BBS9: variants seen among roughly 807,000 people sequenced by gnomAD.
BBS9 encodes Bardet-Biedl syndrome 9.
A neutral mutation model predicts 117.7 loss-of-function variants in BBS9; 89 were observed. The ratio of observed to expected loss-of-function variants is 0.76; its 90% CI spans 0.64 to 0.90. The LOEUF (loss-of-function observed/expected upper bound fraction) is 0.90. BBS9 is among the 40% of genes least tolerant of loss of function. BBS9 has a pLI of 0.00. For missense variants in BBS9, 982 were observed against 1,042.2 expected (o/e 0.94, Z 0.80); for synonymous variants, 379 against 370.9 (o/e 1.02, Z -0.25).
At chr7:33,310,536 G>A (rs1011825853) in intron 9 of BBS9, among the ~76,000 whole-genome samples, 2 of 152,188 alleles carry the variant, frequency 1.3e-5, no homozygotes, top group South Asian at 2.1e-4. Flanking sequence ...GAGTAAAAGG[G>A]GATTCTGTTA....
chr7:33,441,646 A>ATTTAAT (rs1278998720), intron 19 of BBS9, among the ~76,000 whole-genome samples: 8 of 152,196 alleles, frequency 5.3e-5, no homozygotes, highest in Non-Finnish European at 1.2e-4. Context: ...TATCTCTATT[A>ATTTAAT]AATCAGGAAG....
intron 21 of BBS9, among the ~76,000 whole-genome samples, chr7:33,554,572 G>A (rs544393789): frequency 1.3e-5 from 2 of 152,262 alleles, no homozygotes; most frequent in East Asian, 3.9e-4. Flanking sequence ...GTAAAATGGG[G>A]AAGTCTGAGG....
Position 33,132,841 on chromosome 7 carries a change from G to A in BBS9, c.-12+2800G>A, listed in dbSNP as rs1048558784. ...TTTATGGCTAATTTTTCATTTTCTT[G>A]ATGACTTGGGATGTCTTCCAGGAGA... On this transcript the variant is annotated intron_variant, in intron 1 of 22. Coordinates refer to ENST00000242067, the MANE Select transcript of BBS9 (RefSeq NM_198428.3). Among the ~76,000 whole-genome samples, 16 of 152,180 alleles carry A rather than the reference G, an allele frequency of 1.1e-4. No homozygotes were observed. The South Asian group carries it at 1.2e-3, about 12-fold the overall frequency.
intron 19 of BBS9, among the ~76,000 whole-genome samples, chr7:33,436,497 A>T (rs556315833): frequency 6.6e-6 from 1 of 152,240 alleles, no homozygotes; most frequent in African/African-American, 2.4e-5. Flanking sequence ...TTGTAATTAC[A>T]TTATTTATAA....
intron 5 of BBS9, among the ~76,000 whole-genome samples, chr7:33,207,813 A>C (rs1294472675): frequency 6.9e-6 from 1 of 145,140 alleles, no homozygotes; most frequent in East Asian, 2.0e-4. Flanking sequence ...TATAGATATA[A>C]CTTTTTTTTT....
At chr7:33,290,905 G>A (rs963503355) in intron 9 of BBS9, among the ~76,000 whole-genome samples, 7 of 152,228 alleles carry the variant, frequency 4.6e-5, no homozygotes, top group Non-Finnish European at 8.8e-5. Flanking sequence ...TGCCAGAAAT[G>A]GAAATGTGTA....
At chr7:33,170,478 A>C (rs2128144275) in intron 4 of BBS9, among the ~76,000 whole-genome samples, 1 of 144,820 alleles carries the variant, frequency 6.9e-6, no homozygotes, top group Non-Finnish European at 1.5e-5. Flanking sequence ...TATCTATGAC[A>C]AACCCACAGC....
chr7:33,631,146 T>C (rs1212893902), intron 21 of BBS9, among the ~76,000 whole-genome samples: 2 of 151,792 alleles, frequency 1.3e-5, no homozygotes, highest in Non-Finnish European at 1.5e-5. Flanking sequence ...CTCATCAGAG[T>C]GTGCAGAGTG....
At chr7:33,297,627 A>T (rs572889645) in intron 9 of BBS9, among the ~76,000 whole-genome samples, 11 of 152,210 alleles carry the variant, frequency 7.2e-5, no homozygotes, top group Admixed American at 5.9e-4. Flanking sequence ...TTTTTTGTGG[A>T]GTGGGCAACA....
chr7:33,506,152 A>G (rs1392417970), intron 20 of BBS9, among the ~76,000 whole-genome samples: 1 of 152,222 alleles, frequency 6.6e-6, no homozygotes, highest in Non-Finnish European at 1.5e-5. Flanking sequence ...GTCCTAGCAT[A>G]GGCAGTTTAG....
chr7:33,199,629 C>T (rs1052230247), intron 5 of BBS9, among the ~76,000 whole-genome samples: 2 of 151,200 alleles, frequency 1.3e-5, no homozygotes, highest in Non-Finnish European at 3.0e-5. Context: ...TCCTTTCCTC[C>T]TCCTCTCACT....
At chr7:33,419,691 T>C (rs1420642425) in intron 19 of BBS9, among the ~76,000 whole-genome samples, 3 of 152,176 alleles carry the variant, frequency 2.0e-5, no homozygotes, top group Non-Finnish European at 2.9e-5. Flanking sequence ...AAGCTAAATA[T>C]CTTAAGAGCA....
intron 5 of BBS9, among the ~76,000 whole-genome samples, chr7:33,241,362 G>A (rs1794501652): frequency 6.6e-6 from 1 of 152,070 alleles, no homozygotes; most frequent in Non-Finnish European, 1.5e-5. Context: ...GACATTCTCT[G>A]TGCTTCTGCA....
chr7:33,584,429 GCTTTA>G (rs1336510455), intron 21 of BBS9, among the ~76,000 whole-genome samples: 1 of 151,882 alleles, frequency 6.6e-6, no homozygotes, highest in African/African-American at 2.4e-5. Context: ...TATTTTGTCT[GCTTTA>G]CTTATAAATT....
chr7:33,225,258 C>G (rs919237115), intron 5 of BBS9, among the ~76,000 whole-genome samples: 1 of 152,166 alleles, frequency 6.6e-6, no homozygotes, highest in African/African-American at 2.4e-5. Flanking sequence ...AATACCGTGG[C>G]ATAATCACAG....
intron 5 of BBS9, among the ~76,000 whole-genome samples, chr7:33,228,738 A>T (rs947074486): frequency 3.3e-5 from 5 of 152,178 alleles, no homozygotes; most frequent in African/African-American, 1.2e-4. Flanking sequence ...TTTACAGTTC[A>T]TTGAGTCTAA....
intron 19 of BBS9, among the ~76,000 whole-genome samples, chr7:33,467,785 A>G (rs1029352246): frequency 6.6e-6 from 1 of 152,086 alleles, no homozygotes; most frequent in African/African-American, 2.4e-5. Flanking sequence ...AGAAATTCTA[A>G]CAGATTCTGA....
chr7:33,611,578 G>A lies in BBS9; in HGVS notation c.2522-23599G>A, dbSNP rs1212551553. The stretch of plus-strand genomic sequence containing the variant: ...TTATATATTATATGTAATATATAAG[G>A]TATATATTATATAATAATATTATTT... On this transcript the variant is annotated intron_variant, in intron 21 of 21. Transcript: ENST00000671952. Among the ~76,000 whole-genome samples, 3 of 120,626 alleles carry A rather than the reference G, an allele frequency of 2.5e-5. No homozygotes were observed. The Admixed American group carries it at 2.7e-4, about 11-fold the overall frequency. The allele number at this position is 120,626 out of a possible 152,430, so 79.1% of individuals were successfully genotyped here.
At chr7:33,290,622 T>C (rs1803850276) in intron 9 of BBS9, among the ~76,000 whole-genome samples, 1 of 152,176 alleles carries the variant, frequency 6.6e-6, no homozygotes. Flanking sequence ...TGCAGAACGA[T>C]TTGGTCTTTA....
Sources: gnomAD v4.1 joint callset for allele counts (sites outside exome capture counted in the v4.1 genomes callset) on GRCh38, gnomAD v4.1.1 for gene constraint, MANE v1.5 for transcripts, NCBI Gene and HGNC (gene_info 2026-07-23, HGNC 2026-07-21) for gene names.